NCOA1: variants seen among roughly 807,000 people sequenced by gnomAD.
NCOA1 encodes Hin-2 protein.
A neutral mutation model predicts 150.9 loss-of-function variants in NCOA1; 35 were observed. The observed-to-expected ratio is 0.23, with a 90% CI of 0.18 to 0.31. The LOEUF is 0.31. Ranked by LOEUF, NCOA1 falls within the 10% of genes least tolerant of loss-of-function variation. The pLI, the probability that NCOA1 is intolerant of heterozygous loss-of-function variation, is 1.00. For missense variants in NCOA1, 1,491 were observed against 1,749.3 expected (o/e 0.85, Z 2.63); for synonymous variants, 590 against 630.0 (o/e 0.94, Z 0.95).
chr2:24,512,697 C>T (rs1663984003), intron 1 of NCOA1, among the ~76,000 whole-genome samples: 2 of 152,120 alleles, frequency 1.3e-5, no homozygotes, highest in African/African-American at 2.4e-5. Context: ...TTAATGGAAG[C>T]CATGCTATCT....
At chr2:24,626,155 A>G (rs547373609) in intron 3 of NCOA1, among the ~76,000 whole-genome samples, 1 of 152,214 alleles carries the variant, frequency 6.6e-6, no homozygotes, top group Non-Finnish European at 1.5e-5. Context: ...TAATTTAGTC[A>G]CTTTCCTCAT....
chr2:24,535,303 G>A (rs1484464098), intron 1 of NCOA1, among the ~76,000 whole-genome samples: 2 of 151,850 alleles, frequency 1.3e-5, no homozygotes, highest in Admixed American at 1.3e-4. Flanking sequence ...CATTTGCTTG[G>A]TAGATCTTCC....
chr2:24,739,887 T>C (rs1167142864), intron 18 of NCOA1, among the ~76,000 whole-genome samples: 1 of 152,170 alleles, frequency 6.6e-6, no homozygotes, highest in Non-Finnish European at 1.5e-5. Flanking sequence ...CCCAGTCACA[T>C]TGCTAAGCTG....
Position 24,664,706 on chromosome 2 carries a change from CAAAAAA to C in NCOA1, c.90-1038_90-1033del, listed in dbSNP as rs368427767. Among the ~76,000 whole-genome samples, 973 of 144,844 alleles carry C rather than the reference CAAAAAA, an allele frequency of 6.7e-3. 13 individuals are homozygous for C. Among genetic ancestry groups the C allele is most frequent in the African/African-American group, 0.023 (896 of 39,466 alleles). ...CTGGCCTCACAGCAAGATTCCATCT[CAAAAAA>C]AAAAGAAAAAGAAAAGAAAAGTAAA... is the stretch of plus-strand genomic sequence containing the variant. On this transcript the variant is annotated intron_variant, in intron 5 of 22. Coordinates refer to ENST00000348332, the MANE Select transcript of NCOA1 (RefSeq NM_003743.5).
chr2:24,539,181 C>A (rs1665288997), intron 1 of NCOA1, among the ~76,000 whole-genome samples: 1 of 152,112 alleles, frequency 6.6e-6, no homozygotes. Flanking sequence ...TGAAGCTGGT[C>A]TTGAACTCCT....
intron 3 of NCOA1, among the ~76,000 whole-genome samples, chr2:24,622,800 TG>T (rs1669228583): frequency 6.6e-6 from 1 of 152,198 alleles, no homozygotes; most frequent in Non-Finnish European, 1.5e-5. Context: ...CTCATTTTTC[TG>T]GGGGTATTAA....
chr2:24,691,343 G>A (rs1407022569), intron 8 of NCOA1, 138 bp from the exon 9 acceptor site: 2 of 695,150 alleles, frequency 2.9e-6, no homozygotes, highest in Admixed American at 5.0e-5. Flanking sequence ...TCAGGATAAT[G>A]TTAGATCTGA....
Position 24,769,928 on chromosome 2 carries a change from A to G in NCOA1, c.*1537A>G. 1 of 226,980 alleles carries G rather than the reference A, an allele frequency of 4.4e-6. No homozygotes were observed. Among genetic ancestry groups the G allele is most frequent in the Non-Finnish European group, 8.8e-6 (1 of 113,850 alleles). 14.1% of individuals were successfully genotyped at this position (226,980 alleles called of 1,614,324 possible). ...AGCTACCTCTGCCTCCATGGCAGAGAAAAGGCCATAAGAACAGTGGAAGAG... is the reference window on the plus strand; with the variant it reads ...AGCTACCTCTGCCTCCATGGCAGAGGAAAGGCCATAAGAACAGTGGAAGAG... On this transcript the variant is annotated 3_prime_UTR_variant, in exon 23 of 23. Transcript: ENST00000348332.
At chr2:24,525,775 T>C (rs1172583627) in intron 1 of NCOA1, among the ~76,000 whole-genome samples, 1 of 152,098 alleles carries the variant, frequency 6.6e-6, no homozygotes, top group Non-Finnish European at 1.5e-5. Flanking sequence ...CTCAAACTCC[T>C]GGCCTCAAGT....
At chr2:24,743,149 C>G (rs1477328211) in intron 19 of NCOA1, among the ~76,000 whole-genome samples, 1 of 152,032 alleles carries the variant, frequency 6.6e-6, no homozygotes, top group African/African-American at 2.4e-5. Flanking sequence ...AATTAATTGT[C>G]AATTCCTGAA....
chr2:24,623,032 CTT>C (rs1056696235), intron 3 of NCOA1, among the ~76,000 whole-genome samples: 1 of 152,172 alleles, frequency 6.6e-6, no homozygotes, highest in African/African-American at 2.4e-5. Flanking sequence ...GGGCTAAAGA[CTT>C]GAGCTGTGTG....
intron 3 of NCOA1, among the ~76,000 whole-genome samples, chr2:24,636,148 A>G (rs1669930553): frequency 1.3e-5 from 2 of 152,180 alleles, no homozygotes; most frequent in African/African-American, 4.8e-5. Flanking sequence ...CATAAAGTAA[A>G]CCATTCATTT....
intron 14 of NCOA1, among the ~76,000 whole-genome samples, chr2:24,714,573 C>G (rs925752772): frequency 2.0e-5 from 3 of 151,748 alleles, no homozygotes; most frequent in Admixed American, 6.6e-5. Context: ...GTTGGAGGAG[C>G]CTACCAGCAG....
At chr2:24,757,333 C>T (rs1165345447) in intron 20 of NCOA1, among the ~76,000 whole-genome samples, 1 of 152,112 alleles carries the variant, frequency 6.6e-6, no homozygotes, top group Non-Finnish European at 1.5e-5. Flanking sequence ...ATACAGTAAA[C>T]CATTTAATAG....
At chr2:24,729,000 C>T (rs546707381) in intron 16 of NCOA1, among the ~76,000 whole-genome samples, 12 of 152,358 alleles carry the variant, frequency 7.9e-5, no homozygotes, top group East Asian at 3.9e-4. Flanking sequence ...CACACGCGCA[C>T]GCGCGCAATT....
At chr2:24,532,957 A>G (rs1425131978) in intron 1 of NCOA1, among the ~76,000 whole-genome samples, 1 of 152,148 alleles carries the variant, frequency 6.6e-6, no homozygotes, top group Admixed American at 6.5e-5. Context: ...TTCCATATGA[A>G]CTTCAAAGTA....
intron 1 of NCOA1, among the ~76,000 whole-genome samples, chr2:24,518,015 G>A (rs767234877): frequency 1.3e-5 from 2 of 151,722 alleles, no homozygotes; most frequent in African/African-American, 2.4e-5. Context: ...TTTTGTTCTT[G>A]TATTCTGTTT....
intron 13 of NCOA1, among the ~76,000 whole-genome samples, chr2:24,709,973 C>G (rs1673650525): frequency 6.6e-6 from 1 of 151,970 alleles, no homozygotes; most frequent in Non-Finnish European, 1.5e-5. Flanking sequence ...ATAATGAAAC[C>G]CAAAAAGTAA....
At chr2:24,597,325 A>G (rs1285873772) in intron 3 of NCOA1, among the ~76,000 whole-genome samples, 1 of 152,270 alleles carries the variant, frequency 6.6e-6, no homozygotes, top group East Asian at 1.9e-4. Context: ...CTCAGAATGT[A>G]GCACACAGCA....
Sources: gnomAD v4.1 joint callset for allele counts (sites outside exome capture counted in the v4.1 genomes callset) on GRCh38, gnomAD v4.1.1 for gene constraint, MANE v1.5 for transcripts, NCBI Gene and HGNC (gene_info 2026-07-23, HGNC 2026-07-21) for gene names.